MAP3K15: variants seen among roughly 807,000 people sequenced by gnomAD.
MAP3K15 encodes the protein MAPK/ERK kinase kinase 15.
A neutral mutation model predicts 99.5 loss-of-function variants in MAP3K15; 124 were observed. The observed-to-expected ratio is 1.25, with a 90% confidence interval of 1.08 to 1.45. The LOEUF (loss-of-function observed/expected upper bound fraction) is 1.45. MAP3K15 is among the 40% of genes most tolerant of loss of function. The pLI is 0.00. For synonymous variants in MAP3K15, 494 were observed against 439.6 expected, an observed-to-expected ratio of 1.12 and a Z score of -1.55; for missense variants, 1,242 against 1,079.7, an observed-to-expected ratio of 1.15 and a Z score of -2.11.
Position 19,360,493 on chromosome X carries a change from TACAAGTG to T in MAP3K15, c.*249_*255del. 1 of 281,409 alleles carries T rather than the reference TACAAGTG, an allele frequency of 3.6e-6. No individual in the cohort carries two copies. Among genetic ancestry groups the T allele is most frequent in the Non-Finnish European group, 6.3e-6 (1 of 158,624 alleles). The allele number at this position is 281,409 out of a possible 1,213,427, so 23.2% of individuals were successfully genotyped here. On this transcript the variant is annotated 3_prime_UTR_variant, in exon 29 of 29. Coordinates refer to ENST00000338883, the MANE Select transcript of MAP3K15 (RefSeq NM_001001671.4). ...CCTCAGCCTCCTGCATAGCTGGGAC[TACAAGTG>T]AATTTCCTAATATTCCGGGAGGTCA...
intron 9 of MAP3K15, among the ~76,000 whole-genome samples, chrX:19,420,093 T>C (rs2063770504): frequency 9.0e-6 from 1 of 111,335 alleles, no homozygotes; most frequent in Non-Finnish European, 1.9e-5. Context: ...AGCAGGAAGA[T>C]CCAAAATTGA....
rs916866244 is a variant in MAP3K15, at chrX:19,406,399, T to A, written c.1844+789A>T. Among the ~76,000 whole-genome samples the A allele has an allele frequency of 6.2e-5, 7 of 112,036 alleles. No homozygotes were observed. The South Asian group carries it at 2.6e-3, about 41-fold the overall frequency. ...AATATCATTCAGCCACAAAAAGAAA[T>A]GAAGTACTGATACGTGTTACACATG... On this transcript the variant is annotated intron_variant, in intron 13 of 28. Transcript: ENST00000338883.
intron 3 of MAP3K15, among the ~76,000 whole-genome samples, chrX:19,477,451 C>T (rs1376788150): frequency 2.7e-5 from 3 of 110,995 alleles, no homozygotes; most frequent in African/African-American, 9.8e-5. Flanking sequence ...TGCCTGTAAC[C>T]CCGGCACTTT....
In MAP3K15 at chrX:19,360,760, C is replaced by CTT. The variant is rs762409221; in HGVS notation, c.3929_3930dup (p.Asp1311LysfsTer45). ...TTAGCTGATTGGTATCAAGCCTTGT[C>CTT]TTTGGTTTCTGAGGCCTCCTGAGCC... On this transcript the variant is annotated frameshift_variant, in exon 29 of 29. Transcript: ENST00000338883. LOFTEE classifies it high-confidence loss of function. The CTT allele has an allele frequency of 2.5e-5, 30 of 1,206,210 alleles. No homozygotes were observed. In the East Asian group the frequency reaches 4.2e-4, roughly 17 times the overall value.
intron 3 of MAP3K15, among the ~76,000 whole-genome samples, chrX:19,468,988 G>C (rs1330906713): frequency 9.0e-6 from 1 of 111,504 alleles, no homozygotes; most frequent in East Asian, 2.8e-4. Context: ...TGCTGAAGTT[G>C]CTTATCAGCT....
At chrX:19,470,630 A>G (rs908808942) in intron 3 of MAP3K15, among the ~76,000 whole-genome samples, 1 of 111,710 alleles carries the variant, frequency 9.0e-6, no homozygotes. Flanking sequence ...TGAAACAAAT[A>G]AACAAGTAAA....
At chrX:19,485,547 T>C (rs867718655) in intron 3 of MAP3K15, among the ~76,000 whole-genome samples, 10 of 110,589 alleles carry the variant, frequency 9.0e-5, no homozygotes, top group African/African-American at 3.3e-4. Flanking sequence ...CTGAAACTTA[T>C]GTCTCAGGTG....
intron 18 of MAP3K15, among the ~76,000 whole-genome samples, chrX:19,384,335 C>G (rs1318883669): frequency 9.2e-6 from 1 of 109,025 alleles, no homozygotes; most frequent in Non-Finnish European, 1.9e-5. Context: ...TTACCAGAGG[C>G]TGGGAAGGGC....
In MAP3K15 at chrX:19,503,308, G is replaced by T. The variant is rs184117121; in HGVS notation, c.361+11593C>A. 2.1e-4 allele frequency among the ~76,000 whole-genome samples: 23 copies of T among 110,844 alleles called. No individual in the cohort carries two copies. In the East Asian group the frequency reaches 4.0e-3, roughly 19 times the overall value. On this transcript the variant is annotated intron_variant, in intron 1 of 28. Coordinates refer to ENST00000338883, the MANE Select transcript of MAP3K15 (RefSeq NM_001001671.4). ...AGATGGCATGCAAAACGTATGTGCT[G>T]TATCAGAGGGCTGCCTGTTTCATCA...
chrX:19,421,881 C>A (rs780266686), intron 9 of MAP3K15, among the ~76,000 whole-genome samples: 3,358 of 109,079 alleles, frequency 0.031, 177 homozygotes, highest in African/African-American at 0.11. Context: ...TGCCGCATAG[C>A]TACAACTATC....
chrX:19,383,117 C>T (rs2063471255), intron 18 of MAP3K15, among the ~76,000 whole-genome samples: 1 of 111,301 alleles, frequency 9.0e-6, no homozygotes, highest in Non-Finnish European at 1.9e-5. Flanking sequence ...CTGCTCCAGC[C>T]TGGTGACACT....
chrX:19,444,609 T>A (rs1451863833), intron 6 of MAP3K15, among the ~76,000 whole-genome samples: 2 of 111,739 alleles, frequency 1.8e-5, no homozygotes, highest in Non-Finnish European at 3.8e-5. Flanking sequence ...TGGTAACAGA[T>A]CTCGAAGTGT....
At chrX:19,407,434 G>T in intron 12 of MAP3K15, 151 bp from the exon 13 acceptor site, 1 of 366,448 alleles carries the variant, frequency 2.7e-6, no homozygotes. Context: ...ATTTCTCTAT[G>T]AAATTTAAAT....
At chrX:19,494,087 A>C (rs984812905) in intron 1 of MAP3K15, among the ~76,000 whole-genome samples, 2 of 111,074 alleles carry the variant, frequency 1.8e-5, no homozygotes, top group African/African-American at 6.5e-5. Flanking sequence ...GGGAAAAAAA[A>C]AACACATATC....
chrX:19,484,234 G>T (rs1017458398), intron 3 of MAP3K15, among the ~76,000 whole-genome samples: 1 of 111,438 alleles, frequency 9.0e-6, no homozygotes, highest in African/African-American at 3.3e-5. Context: ...CCTCCTGTCA[G>T]ATCATTGGTG....
At chrX:19,362,592 C>G (rs752825) in intron 26 of MAP3K15, 146 bp downstream of exon 26, 33,139 of 426,643 alleles carry the variant, frequency 0.078, 3,340 homozygotes, top group African/African-American at 0.45. Flanking sequence ...GTTGTTGAAT[C>G]TATCAGTAGT....
At chrX:19,388,836 T>C (rs920173197) in intron 18 of MAP3K15, among the ~76,000 whole-genome samples, 1 of 111,935 alleles carries the variant, frequency 8.9e-6, no homozygotes, top group Non-Finnish European at 1.9e-5. Context: ...ACGCTTTGTA[T>C]GTGAATGTTC....
chrX:19,507,724 A>C (rs769097373), intron 1 of MAP3K15, among the ~76,000 whole-genome samples: 203 of 109,966 alleles, frequency 1.8e-3, no homozygotes, highest in African/African-American at 6.3e-3. Context: ...CTGGTGGAAG[A>C]AGCTCATGAT....
chrX:19,363,710 T>C (rs1243276862), intron 25 of MAP3K15, among the ~76,000 whole-genome samples: 1 of 108,005 alleles, frequency 9.3e-6, no homozygotes, highest in East Asian at 2.9e-4. Context: ...TGGAGTGCAG[T>C]GGCACAATCT....
Sources: allele counts gnomAD v4.1 joint callset (sites outside exome capture counted in the v4.1 genomes callset), GRCh38; gene constraint gnomAD v4.1.1; transcripts MANE v1.5; gene names NCBI Gene and HGNC (gene_info 2026-07-23, HGNC 2026-07-21).